Variants in NREP observed in about 807,000 individuals in gnomAD.
NREP encodes neuronal regeneration-related protein.
NREP carries 5 observed loss-of-function variants against 8.6 expected under a neutral mutation model. That is an observed-to-expected ratio of 0.58 (90% CI 0.30 to 1.22). The LOEUF (loss-of-function observed/expected upper bound fraction) is 1.22. NREP is among the 50% of genes most tolerant of loss of function. NREP has a pLI of 0.07. For missense variants in NREP, 86 were observed against 82.5 expected (o/e 1.04, Z -0.17); for synonymous variants, 27 against 28.0 (o/e 0.96, Z 0.11).
At chr5:111,923,677 C>T (rs1436279453) in intron 2 of NREP, among the ~76,000 whole-genome samples, 1 of 152,186 alleles carries the variant, frequency 6.6e-6, no homozygotes, top group Non-Finnish European at 1.5e-5. Flanking sequence ...GCTGGCTATC[C>T]TTTAGCCACC....
intron 2 of NREP, among the ~76,000 whole-genome samples, chr5:111,941,833 T>A (rs1755837930): frequency 6.6e-6 from 1 of 152,092 alleles, no homozygotes. Flanking sequence ...TAAATCTACA[T>A]TCTGTTATCC....
At chr5:111,906,471 T>C (rs1354219570) in intron 2 of NREP, among the ~76,000 whole-genome samples, 1 of 152,094 alleles carries the variant, frequency 6.6e-6, no homozygotes, top group Non-Finnish European at 1.5e-5. Context: ...TGCTTTATAA[T>C]GATGTATCCA....
chr5:111,835,201 G>A (rs1752864211), intron 2 of NREP, among the ~76,000 whole-genome samples: 1 of 152,102 alleles, frequency 6.6e-6, no homozygotes, highest in African/African-American at 2.4e-5. Context: ...GCCACAGAAG[G>A]AACACACCCA....
intron 2 of NREP, among the ~76,000 whole-genome samples, chr5:111,855,037 C>A (rs1379501556): frequency 6.6e-6 from 1 of 152,042 alleles, no homozygotes; most frequent in Non-Finnish European, 1.5e-5. Context: ...ATGATACAAT[C>A]AATGCCTCAT....
intron 2 of NREP, among the ~76,000 whole-genome samples, chr5:111,957,436 T>C (rs1157654063): frequency 2.0e-5 from 3 of 151,940 alleles, no homozygotes; most frequent in Admixed American, 2.0e-4. Context: ...CAAAGACTCA[T>C]AACCATATAG....
intron 2 of NREP, among the ~76,000 whole-genome samples, chr5:111,797,704 T>C (rs549114514): frequency 6.6e-6 from 1 of 152,180 alleles, no homozygotes; most frequent in Non-Finnish European, 1.5e-5. Context: ...ACAAGATAAT[T>C]GAAATGAGAG....
Position 111,768,788 on chromosome 5 carries a change from C to T in NREP, c.136-33281G>A, listed in dbSNP as rs565936468. Among the ~76,000 whole-genome samples, 4 of 152,250 alleles carry T rather than the reference C, an allele frequency of 2.6e-5. No individual in the cohort carries two copies. The South Asian group carries it at 6.2e-4, about 24-fold the overall frequency. Reference sequence around the variant, plus strand: ...TTGATGGGCACGTAGGTTGAGTCCACGTCTTTCTACTGTGAATGGTGCTGC... The same window carrying T: ...TTGATGGGCACGTAGGTTGAGTCCATGTCTTTCTACTGTGAATGGTGCTGC... On this transcript the variant is annotated intron_variant, in intron 2 of 3. Transcript: ENST00000395634.
chr5:111,806,796 A>T lies in NREP; in HGVS notation c.136-71289T>A, dbSNP rs148738437. Among the ~76,000 whole-genome samples, 6 of 152,274 alleles carry T rather than the reference A, an allele frequency of 3.9e-5. No individual in the cohort carries two copies. The South Asian group carries it at 1.2e-3, about 32-fold the overall frequency. On this transcript the variant is annotated intron_variant, in intron 2 of 3. Coordinates refer to the NREP transcript ENST00000395634. ...TCTGGCCTTGTCTCGGAAATGAACT[A>T]AAGTGTGGATTAGGTGACAGGCCTG...
intron 2 of NREP, among the ~76,000 whole-genome samples, chr5:111,783,759 A>G (rs771857038): frequency 6.6e-6 from 1 of 152,106 alleles, no homozygotes; most frequent in Non-Finnish European, 1.5e-5. Flanking sequence ...GAAATTTGCC[A>G]ATTTTGTTTT....
chr5:111,896,153 C>A (rs1420588935), intron 2 of NREP, among the ~76,000 whole-genome samples: 1 of 152,076 alleles, frequency 6.6e-6, no homozygotes, highest in Non-Finnish European at 1.5e-5. Flanking sequence ...AGAGGAAGCA[C>A]AGAGATTGGT....
At chr5:111,785,632 G>A (rs1204471013) in intron 2 of NREP, among the ~76,000 whole-genome samples, 2 of 152,118 alleles carry the variant, frequency 1.3e-5, no homozygotes, top group African/African-American at 4.8e-5. Context: ...AAAAATATGT[G>A]CATACTTTGG....
intron 2 of NREP, among the ~76,000 whole-genome samples, chr5:111,899,573 T>G (rs554237272): frequency 5.0e-4 from 76 of 152,172 alleles, no homozygotes; most frequent in African/African-American, 1.7e-3. Context: ...ATTAACAACA[T>G]AACATGAGCA....
intron 2 of NREP, among the ~76,000 whole-genome samples, chr5:111,779,822 T>A (rs1373167149): frequency 6.6e-6 from 1 of 152,244 alleles, no homozygotes; most frequent in Non-Finnish European, 1.5e-5. Context: ...TTGTACAGTA[T>A]GAGAGAGGAC....
intron 2 of NREP, among the ~76,000 whole-genome samples, chr5:111,853,162 A>C (rs993992197): frequency 1.3e-5 from 2 of 152,156 alleles, no homozygotes; most frequent in African/African-American, 2.4e-5. Flanking sequence ...GTATGATTCC[A>C]ACTATATAAC....
chr5:111,794,860 C>T (rs1346201526), intron 2 of NREP, among the ~76,000 whole-genome samples: 2 of 151,950 alleles, frequency 1.3e-5, no homozygotes, highest in Non-Finnish European at 2.9e-5. Context: ...AGTGTAGGTT[C>T]ATCAATTGTA....
chr5:111,912,664 G>T (rs561257645), intron 2 of NREP: 1 of 152,024 alleles, frequency 6.6e-6, no homozygotes, highest in African/African-American at 2.4e-5. Context: ...CTGAAGACAG[G>T]ATCAAGATAT....
intron 2 of NREP, among the ~76,000 whole-genome samples, chr5:111,972,866 G>T (rs1187688669): frequency 6.6e-6 from 1 of 152,278 alleles, no homozygotes; most frequent in East Asian, 1.9e-4. Context: ...GAACCCATGT[G>T]GGCTGCACCT....
At chr5:111,970,687 A>G (rs1289531112) in intron 2 of NREP, among the ~76,000 whole-genome samples, 1 of 152,000 alleles carries the variant, frequency 6.6e-6, no homozygotes, top group Non-Finnish European at 1.5e-5. Flanking sequence ...GTAGCTGGGC[A>G]TGGTGGCATG....
chr5:111,930,878 C>T (rs565996779), intron 2 of NREP, among the ~76,000 whole-genome samples: 1 of 152,204 alleles, frequency 6.6e-6, no homozygotes, highest in African/African-American at 2.4e-5. Context: ...GAAAGGTTTC[C>T]TTACTCAAAA....
Sources: gnomAD v4.1 joint callset for allele counts (sites outside exome capture counted in the v4.1 genomes callset) on GRCh38, gnomAD v4.1.1 for gene constraint, MANE v1.5 for transcripts, NCBI Gene and HGNC (gene_info 2026-07-23, HGNC 2026-07-21) for gene names.